HCN1: variants seen among roughly 807,000 people sequenced by gnomAD.
HCN1 encodes the protein hyperpolarization activated cyclic nucleotide gated potassium channel 1, also known as potassium/sodium hyperpolarization-activated cyclic nucleotide-gated channel 1.
Under a neutral mutation model 78.9 loss-of-function variants are expected in HCN1, and 13 were observed. The observed-to-expected ratio is 0.16, with a 90% CI of 0.11 to 0.26. The LOEUF (loss-of-function observed/expected upper bound fraction) is 0.26. Ranked by LOEUF, HCN1 falls within the 10% of genes least tolerant of loss-of-function variation. HCN1 has a pLI of 1.00. For missense variants in HCN1, 810 were observed against 1,154.3 expected (o/e 0.70, Z 4.32); for synonymous variants, 552 against 455.5 (o/e 1.21, Z -2.70).
At chr5:45,614,958 T>G (rs1431295408) in intron 2 of HCN1, among the ~76,000 whole-genome samples, 2 of 151,510 alleles carry the variant, frequency 1.3e-5, no homozygotes, top group Non-Finnish European at 2.9e-5. Context: ...GGAATATATT[T>G]CAAAACCACA....
intron 2 of HCN1, among the ~76,000 whole-genome samples, chr5:45,602,774 A>G (rs1353012449): frequency 6.6e-6 from 1 of 151,996 alleles, no homozygotes; most frequent in Non-Finnish European, 1.5e-5. Flanking sequence ...GTTTGTTAAA[A>G]CTCCAGCGAA....
intron 5 of HCN1, among the ~76,000 whole-genome samples, chr5:45,338,643 T>C (rs1243588729): frequency 6.6e-6 from 1 of 152,108 alleles, no homozygotes; most frequent in East Asian, 1.9e-4. Flanking sequence ...CAAACACACC[T>C]TTGCCTAAGT....
chr5:45,649,878 C>T (rs1344520227), intron 1 of HCN1, among the ~76,000 whole-genome samples: 1 of 151,858 alleles, frequency 6.6e-6, no homozygotes, highest in Non-Finnish European at 1.5e-5. Context: ...ATAATAATTT[C>T]TTATTTGTCT....
intron 2 of HCN1, among the ~76,000 whole-genome samples, chr5:45,475,816 T>C (rs932417332): frequency 1.3e-5 from 2 of 152,112 alleles, no homozygotes; most frequent in Admixed American, 1.3e-4. Flanking sequence ...GCACTTTTAG[T>C]TTGAGTCTAA....
intron 2 of HCN1, among the ~76,000 whole-genome samples, chr5:45,571,734 G>A (rs1403839946): frequency 6.6e-6 from 1 of 152,020 alleles, no homozygotes; most frequent in Non-Finnish European, 1.5e-5. Flanking sequence ...GACTAACATG[G>A]TGAAACCCCG....
chr5:45,480,505 C>G (rs1328730137), intron 2 of HCN1, among the ~76,000 whole-genome samples: 2 of 152,106 alleles, frequency 1.3e-5, no homozygotes, highest in African/African-American at 4.8e-5. Flanking sequence ...ATATAAAAGG[C>G]TGTCAGCCTT....
chr5:45,657,168 C>T (rs1745782160), intron 1 of HCN1, among the ~76,000 whole-genome samples: 1 of 152,082 alleles, frequency 6.6e-6, no homozygotes, highest in Admixed American at 6.6e-5. Flanking sequence ...CTTTAATTTT[C>T]TGAGCAATTC....
At position 45,696,151 on chromosome 5, in the gene HCN1, C is replaced by T. The variant is rs1740009224; in HGVS notation, c.-58G>A. ...TCCAGACTCGCCGGCCGCCCGGCGC[C>T]GGAGACACGTAGCCGAGAGGGTAGG... On this transcript the variant is annotated 5_prime_UTR_variant, in exon 1 of 8. Transcript: ENST00000303230. The T allele has an allele frequency of 1.4e-5, 17 of 1,185,992 alleles. No individual in the cohort carries two copies. The South Asian group carries it at 1.8e-4, about 13-fold the overall frequency. The allele number at this position is 1,185,992 out of a possible 1,614,324, so 73.5% of individuals were successfully genotyped here.
chr5:45,673,070 G>A (rs971137684), intron 1 of HCN1, among the ~76,000 whole-genome samples: 1 of 151,338 alleles, frequency 6.6e-6, no homozygotes, highest in Non-Finnish European at 1.5e-5. Flanking sequence ...TGTCTCCTTA[G>A]TTCTGCTTCA....
chr5:45,479,813 T>C (rs1201689620), intron 2 of HCN1, among the ~76,000 whole-genome samples: 6 of 152,218 alleles, frequency 3.9e-5, no homozygotes, highest in Admixed American at 2.6e-4. Flanking sequence ...TCCAAAATTA[T>C]AGAATAAAAA....
At chr5:45,297,203 G>A (rs570126350) in intron 6 of HCN1, among the ~76,000 whole-genome samples, 8 of 152,206 alleles carry the variant, frequency 5.3e-5, no homozygotes, top group Middle Eastern at 3.4e-3. Flanking sequence ...AAAGGAATAC[G>A]TTGGGCTAGT....
At chr5:45,285,543 T>G (rs550087576) in intron 6 of HCN1, among the ~76,000 whole-genome samples, 17 of 152,100 alleles carry the variant, frequency 1.1e-4, no homozygotes, top group African/African-American at 4.1e-4. Flanking sequence ...TAAACATTTT[T>G]TACTGTATTC....
At chr5:45,647,576 AC>A (rs1467706920) in intron 1 of HCN1, among the ~76,000 whole-genome samples, 2 of 152,186 alleles carry the variant, frequency 1.3e-5, no homozygotes, top group African/African-American at 2.4e-5. Flanking sequence ...TTAATTTGTA[AC>A]TGATGACCCC....
In HCN1 at chr5:45,696,095, C is replaced by G; in HGVS notation, c.-2G>C. The G allele has an allele frequency of 7.5e-7, 1 of 1,338,344 alleles. No homozygotes were observed. Among genetic ancestry groups the G allele is most frequent in the South Asian group, 1.5e-5 (1 of 66,620 alleles). 82.9% of individuals were successfully genotyped at this position (1,338,344 alleles called of 1,614,324 possible). On this transcript the variant is annotated 5_prime_UTR_variant, in exon 1 of 8. Transcript: ENST00000303230. ...GTTGGGCTTGCCGCCTCCTTCCATG[C>G]CCGGAGGACGCGGCCGGCGACGGCG... is the stretch of plus-strand genomic sequence containing the variant.
chr5:45,538,321 ATAAAAT>A (rs1202500621), intron 2 of HCN1, among the ~76,000 whole-genome samples: 2 of 152,210 alleles, frequency 1.3e-5, no homozygotes, highest in African/African-American at 4.8e-5. Context: ...TACATTTAAA[ATAAAAT>A]TAAAATATCC....
chr5:45,353,351 C>CAA, intron 4 of HCN1, 105 bp from the exon 5 acceptor site: 1 of 823,202 alleles, frequency 1.2e-6, no homozygotes, highest in Non-Finnish European at 1.9e-6. Flanking sequence ...TACTCAGTTA[C>CAA]AAAAAAAAAG....
At chr5:45,603,104 C>T (rs2696013) in intron 2 of HCN1, among the ~76,000 whole-genome samples, 75,596 of 151,868 alleles carry the variant, frequency 0.5, 19,970 homozygotes, top group African/African-American at 0.68. Context: ...CTTTTCATCC[C>T]TTTAGGAGTT....
Position 45,305,943 on chromosome 5 carries a change from G to T in HCN1, c.1378-2104C>A, listed in dbSNP as rs981000364. Among the ~76,000 whole-genome samples the T allele has an allele frequency of 2.6e-5, 4 of 152,078 alleles. No homozygotes were observed. In the East Asian group the frequency reaches 7.8e-4, roughly 29 times the overall value. On this transcript the variant is annotated intron_variant, in intron 5 of 7. Coordinates refer to ENST00000303230, the MANE Select transcript of HCN1 (RefSeq NM_021072.4). The stretch of plus-strand genomic sequence containing the variant: ...ATAAAGACTAATTTTCTCGTTGGGA[G>T]ATGGTTACTTAAAACTCTTAGCTTT...
chr5:45,300,632 A>C (rs1745594506), intron 6 of HCN1, among the ~76,000 whole-genome samples: 1 of 152,146 alleles, frequency 6.6e-6, no homozygotes, highest in Non-Finnish European at 1.5e-5. Context: ...AGCCAACAGT[A>C]GGCTACTATT....
Sources: allele counts gnomAD v4.1 joint callset (sites outside exome capture counted in the v4.1 genomes callset), GRCh38; gene constraint gnomAD v4.1.1; transcripts MANE v1.5; gene names NCBI Gene and HGNC (gene_info 2026-07-23, HGNC 2026-07-21).